The following TMEM132C variants were observed in gnomAD, a reference collection of about 807,000 sequenced individuals.
The protein encoded by TMEM132C is protein phosphatase 1, regulatory subunit 152.
A neutral mutation model predicts 61.4 loss-of-function variants in TMEM132C; 29 were observed. The observed-to-expected ratio is 0.47, with a 90% CI of 0.35 to 0.64. The LOEUF is 0.64. Ranked by LOEUF, TMEM132C falls within the 30% of genes least tolerant of loss-of-function variation. TMEM132C has a pLI of 0.00. For missense variants in TMEM132C, 1,408 were observed against 1,476.9 expected, an observed-to-expected ratio of 0.95 and a Z score of 0.76; for synonymous variants, 656 against 633.1, an observed-to-expected ratio of 1.04 and a Z score of -0.54.
chr12:128,604,737 A>G (rs992031328), intron 3 of TMEM132C, among the ~76,000 whole-genome samples: 2 of 152,082 alleles, frequency 1.3e-5, no homozygotes, highest in Non-Finnish European at 2.9e-5. Flanking sequence ...GAAGATAGAT[A>G]ATGGATGGAG....
chr12:128,365,325 T>C (rs549154524), intron 1 of TMEM132C, among the ~76,000 whole-genome samples: 110 of 152,342 alleles, frequency 7.2e-4, no homozygotes, highest in Non-Finnish European at 7.9e-4. Context: ...CTTGAACGTC[T>C]AGCCAGCTTG....
At chr12:128,679,824 G>GTAGATGC (rs1326677049) in intron 5 of TMEM132C, among the ~76,000 whole-genome samples, 1 of 152,176 alleles carries the variant, frequency 6.6e-6, no homozygotes, top group Admixed American at 6.6e-5. Flanking sequence ...TTCAAATATT[G>GTAGATGC]TAGATGCTAT....
At chr12:128,306,795 A>G (rs957919320) in intron 1 of TMEM132C, among the ~76,000 whole-genome samples, 6 of 152,186 alleles carry the variant, frequency 3.9e-5, no homozygotes, top group African/African-American at 7.2e-5. Flanking sequence ...AGAATCAGTG[A>G]TGATTCCCCA....
chr12:128,502,366 C>T (rs1435810175), intron 2 of TMEM132C, among the ~76,000 whole-genome samples: 1 of 152,212 alleles, frequency 6.6e-6, no homozygotes, highest in East Asian at 1.9e-4. Context: ...CAGGAAGAGG[C>T]TTGGGAGAAC....
At chr12:128,576,211 G>A (rs1216195669) in intron 3 of TMEM132C, among the ~76,000 whole-genome samples, 2 of 149,450 alleles carry the variant, frequency 1.3e-5, no homozygotes, top group East Asian at 2.0e-4. Flanking sequence ...CTGAGATCAC[G>A]CCACTGCACT....
At chr12:128,620,525 T>G (rs1252924953) in intron 4 of TMEM132C, among the ~76,000 whole-genome samples, 1 of 152,210 alleles carries the variant, frequency 6.6e-6, no homozygotes, top group Non-Finnish European at 1.5e-5. Flanking sequence ...TTCTTCCTAC[T>G]GCTTATTTGA....
intron 3 of TMEM132C, among the ~76,000 whole-genome samples, chr12:128,578,130 T>TAATAAAGCG (rs1875188915): frequency 2.0e-5 from 3 of 152,266 alleles, no homozygotes; most frequent in African/African-American, 7.2e-5. Context: ...GTTAAATTCT[T>TAATAAAGCG]GGCCTTGGGC....
rs375036389 is a variant in TMEM132C at position 128,414,988 on chromosome 12, G to T, written c.342G>T (p.Leu114Phe). Residue 114 changes from leucine to phenylalanine, a missense_variant, in exon 2 of 9, where the codon TTG becomes TTT. By Grantham distance (22) the Leu-to-Phe change is conservative (BLOSUM62 0). Coordinates refer to ENST00000435159, the MANE Select transcript of TMEM132C (RefSeq NM_001136103.3). ...AGGTTGTGCCTCTGGACTTGATGTT[G>T]ACTTCAAACTTTTTAGGTCCAACCA... ...VEKVVPLDLM[L>F]TSNFLGPTNK... 343 of 1,552,192 alleles carry T rather than the reference G, an allele frequency of 2.2e-4. No individual in the cohort carries two copies. The highest frequency in any genetic ancestry group is 2.8e-4 in the Non-Finnish European group (318 of 1,147,314).
At chr12:128,268,655 A>G (rs1306541943) in intron 1 of TMEM132C, among the ~76,000 whole-genome samples, 2 of 152,096 alleles carry the variant, frequency 1.3e-5, no homozygotes, top group East Asian at 2.0e-4. Flanking sequence ...TCTCCCGCCT[A>G]ATGCTCTGAG....
intron 1 of TMEM132C, among the ~76,000 whole-genome samples, chr12:128,330,783 T>A (rs572657466): frequency 6.6e-6 from 1 of 152,286 alleles, no homozygotes; most frequent in East Asian, 1.9e-4. Context: ...ATAGAATCCA[T>A]GAGTTTTCAG....
intron 1 of TMEM132C, among the ~76,000 whole-genome samples, chr12:128,293,210 T>C (rs1871303279): frequency 6.6e-6 from 1 of 152,202 alleles, no homozygotes; most frequent in South Asian, 2.1e-4. Flanking sequence ...CAGTATAAAC[T>C]CTCCTTTCCA....
intron 1 of TMEM132C, among the ~76,000 whole-genome samples, chr12:128,319,600 G>T (rs1351074039): frequency 2.6e-5 from 4 of 152,190 alleles, no homozygotes; most frequent in African/African-American, 9.6e-5. Context: ...GGCCGAGATG[G>T]GCGGATCACA....
At chr12:128,420,495 G>T (rs1462340727) in intron 2 of TMEM132C, among the ~76,000 whole-genome samples, 1 of 152,174 alleles carries the variant, frequency 6.6e-6, no homozygotes, top group African/African-American at 2.4e-5. Context: ...GGGGAGCTGG[G>T]ATTCACATCA....
chr12:128,277,601 T>A (rs968934409), intron 1 of TMEM132C, among the ~76,000 whole-genome samples: 8 of 152,160 alleles, frequency 5.3e-5, no homozygotes, highest in African/African-American at 1.9e-4. Context: ...CCCACACCAC[T>A]AAGATAGAAG....
At chr12:128,523,670 A>G (rs748173068) in intron 2 of TMEM132C, among the ~76,000 whole-genome samples, 1 of 152,074 alleles carries the variant, frequency 6.6e-6, no homozygotes, top group Admixed American at 6.6e-5. Context: ...CCCTATTACC[A>G]TGTCAGAAAA....
At chr12:128,551,180 C>T (rs1753343575) in intron 3 of TMEM132C, among the ~76,000 whole-genome samples, 1 of 152,018 alleles carries the variant, frequency 6.6e-6, no homozygotes, top group African/African-American at 2.4e-5. Flanking sequence ...TTCTAATGAA[C>T]CCAAACTGAG....
chr12:128,376,635 C>A (rs890829841), intron 1 of TMEM132C, among the ~76,000 whole-genome samples: 1 of 152,112 alleles, frequency 6.6e-6, no homozygotes, highest in African/African-American at 2.4e-5. Flanking sequence ...TATTTCGAGC[C>A]TCTTGGAATT....
intron 1 of TMEM132C, among the ~76,000 whole-genome samples, chr12:128,286,061 TCC>T (rs1491314789): frequency 4.9e-5 from 1 of 20,362 alleles, no homozygotes; most frequent in Admixed American, 5.0e-4. Context: ...CTCTCTCCCT[TCC>T]TCTCTCTCTC....
intron 2 of TMEM132C, among the ~76,000 whole-genome samples, chr12:128,531,726 T>C (rs4882780): frequency 0.2 from 30,588 of 152,130 alleles, 4,565 homozygotes; most frequent in East Asian, 0.41. Context: ...CCTCTACTCC[T>C]TTTGACAGGG....
Sources: allele counts gnomAD v4.1 joint callset (sites outside exome capture counted in the v4.1 genomes callset), GRCh38; gene constraint gnomAD v4.1.1; transcripts MANE v1.5; gene names NCBI Gene and HGNC (gene_info 2026-07-23, HGNC 2026-07-21).